Variants in AP3D1 observed in about 807,000 individuals in gnomAD.
The protein encoded by AP3D1 is AP-3 complex subunit delta-1.
A neutral mutation model predicts 147.6 loss-of-function variants in AP3D1; 51 were observed. The observed-to-expected ratio is 0.35, with a 90% confidence interval of 0.28 to 0.44. AP3D1 has a LOEUF of 0.44. AP3D1 is among the 20% of genes least tolerant of loss of function. The probability of loss-of-function intolerance (pLI) is 1.00; values close to 1 mark genes in which losing one functional copy is unlikely to be tolerated. For synonymous variants in AP3D1, 760 were observed against 663.0 expected, an observed-to-expected ratio of 1.15 and a Z score of -2.25; for missense variants, 1,421 against 1,624.2, an observed-to-expected ratio of 0.87 and a Z score of 2.15.
Position 2,137,760 on chromosome 19 carries a change from T to C in AP3D1, c.240A>G (p.Ile80Met). The C allele has an allele frequency of 1.2e-6, 2 of 1,614,096 alleles. No individual in the cohort carries two copies. The highest frequency in any genetic ancestry group is 1.1e-5 in the South Asian group (1 of 91,074). Residue 80 changes from isoleucine (I) to methionine (M), a missense_variant, in exon 3 of 32, where the codon ATA (isoleucine) becomes ATG (methionine). Around this residue, in one of 6 missense-constraint regions of AP3D1, gnomAD observed 292 missense variants for 412.0 expected, o/e 0.71. Coordinates refer to ENST00000643116, the MANE Select transcript of AP3D1 (RefSeq NM_001261826.3). ...YDISWAAFNI[I>M]EVMSASKFTF... ...TGAACTTGGAGGCACTCATCACTTC[T>C]ATGATGTTGAAGGCGGCCCAGCTGA... is the stretch of plus-strand genomic sequence containing the variant.
chr19:2,126,052 G>T (rs1292364612), intron 9 of AP3D1, among the ~76,000 whole-genome samples: 1 of 152,152 alleles, frequency 6.6e-6, no homozygotes, highest in African/African-American at 2.4e-5. Flanking sequence ...GCTTAAGCCC[G>T]GGAGGTCAAG....
intron 29 of AP3D1, chr19:2,109,489 T>G: frequency 4.0e-6 from 2 of 498,244 alleles, no homozygotes; most frequent in Non-Finnish European, 7.1e-6. Flanking sequence ...AGGAAGGGAC[T>G]GGGGGGATAG....
At chr19:2,151,087 G>A (rs1434024106) in intron 1 of AP3D1, 152 bp downstream of exon 1, 3 of 684,384 alleles carry the variant, frequency 4.4e-6, no homozygotes, top group Non-Finnish European at 6.9e-6. Flanking sequence ...GGCGCCCCAG[G>A]CCCAGGCCAG....
At chr19:2,136,198 C>G (rs532778484) in intron 4 of AP3D1, among the ~76,000 whole-genome samples, 1 of 152,366 alleles carries the variant, frequency 6.6e-6, no homozygotes, top group Admixed American at 6.5e-5. Flanking sequence ...CAACGGTGAG[C>G]CCAGCAGAGC....
chr19:2,102,050 A>G lies in AP3D1; in HGVS notation c.*123T>C. 1.4e-6 allele frequency: 1 copy of G among 723,924 alleles called. No individual in the cohort carries two copies. The highest frequency in any genetic ancestry group is 2.3e-6 in the Non-Finnish European group (1 of 425,738). 44.8% of individuals were successfully genotyped at this position (723,924 alleles called of 1,614,324 possible). ...CTCGGATGTCTACACGGCGGACAAC[A>G]TAGAGTTAAATTAACACTCAGGCTT... On this transcript the variant is annotated 3_prime_UTR_variant, in exon 32 of 32. Coordinates refer to ENST00000643116, the MANE Select transcript of AP3D1 (RefSeq NM_001261826.3).
At chr19:2,154,707 G>A (rs2019631368), upstream of AP3D1, among the ~76,000 whole-genome samples, 1 of 152,238 alleles carries the variant, frequency 6.6e-6, no homozygotes, top group South Asian at 2.1e-4. Context: ...TCATTCCAGA[G>A]AAGGTCATGC....
intron 1 of AP3D1, among the ~76,000 whole-genome samples, chr19:2,161,628 C>T (rs1489498382): frequency 6.6e-6 from 1 of 151,796 alleles, no homozygotes; most frequent in Non-Finnish European, 1.5e-5. Flanking sequence ...ACATGCAGAC[C>T]AAAGAGGAGT....
chr19:2,137,686 T>C (rs1568302417), intron 3 of AP3D1, 41 bp downstream of exon 3: 1 of 1,569,298 alleles, frequency 6.4e-7, no homozygotes, highest in South Asian at 1.1e-5. Context: ...ACACCTGTAA[T>C]CACTCCCCAC....
chr19:2,144,949 A>AATCCAC (rs1182372321), intron 1 of AP3D1, among the ~76,000 whole-genome samples: 3 of 152,158 alleles, frequency 2.0e-5, no homozygotes, highest in Non-Finnish European at 4.4e-5. Flanking sequence ...TTCTGGCTCA[A>AATCCAC]ATCCACAGAG....
chr19:2,127,168 C>T lies in AP3D1; in HGVS notation c.840G>A (p.Val280=). The change falls in exon 9 of 32, where the codon GTG becomes GTA. Residue 280 remains valine, a synonymous_variant. Coordinates refer to ENST00000643116, the MANE Select transcript of AP3D1 (RefSeq NM_001261826.3). ...TSAMSLLYEC[V]NTVIAVLISL... ...AGTTCTCACCTGCAATCACGGTGTTCACACATTCATAGAGGAGAGACATGG... is the reference window on the plus strand; with the variant it reads ...AGTTCTCACCTGCAATCACGGTGTTTACACATTCATAGAGGAGAGACATGG... 2 of 1,614,036 alleles carry T rather than the reference C, an allele frequency of 1.2e-6. No individual in the cohort carries two copies. The highest frequency in any genetic ancestry group is 1.7e-6 in the Non-Finnish European group (2 of 1,180,008).
At chr19:2,152,731 C>T (rs1301354288), upstream of AP3D1, among the ~76,000 whole-genome samples, 4 of 151,134 alleles carry the variant, frequency 2.6e-5, no homozygotes, top group Non-Finnish European at 4.4e-5. Flanking sequence ...CAAAAATTAG[C>T]CGGGCGTGGT....
At chr19:2,120,721 C>A in intron 14 of AP3D1, 141 bp downstream of exon 14, 1 of 771,744 alleles carries the variant, frequency 1.3e-6, no homozygotes, top group South Asian at 1.7e-5. Context: ...GGGACAGGTG[C>A]TGGAAACCCA....
At chr19:2,121,340 G>A (rs758888150) in intron 12 of AP3D1, 29 bp from the exon 13 acceptor site, 1 of 1,611,520 alleles carries the variant, frequency 6.2e-7, no homozygotes, top group Non-Finnish European at 8.5e-7. Context: ...ACAGTGGTGA[G>A]AGCGGACCCA....
intron 27 of AP3D1, 141 bp from the exon 28 acceptor site, chr19:2,110,365 AG>A (rs2018236708): frequency 1.4e-6 from 1 of 737,538 alleles, no homozygotes; most frequent in African/African-American, 1.7e-5. Flanking sequence ...ACCAGGGGAC[AG>A]GAGCAGAAAC....
intron 29 of AP3D1, chr19:2,109,548 G>C: frequency 2.1e-6 from 1 of 486,338 alleles, no homozygotes; most frequent in East Asian, 3.5e-5. Context: ...TCAGGGGGGA[G>C]GGGGTGCCGC....
Position 2,114,812 on chromosome 19 carries a change from G to A in AP3D1, c.2359C>T (p.Pro787Ser). Residue 787 changes from proline to serine, a missense_variant, in exon 21 of 32, where the codon CCC becomes TCC. Around this residue, in one of 6 missense-constraint regions of AP3D1, gnomAD observed 791 missense variants for 761.4 expected, o/e 1.04. Coordinates refer to ENST00000643116, the MANE Select transcript of AP3D1 (RefSeq NM_001261826.3). ...GGGTCTTTGTCATCCTCGTCGCTGG[G>A]CAGAGCATTCTGACAGGAAGAGAGG... Reference protein sequence around the residue: ...VTEEMPENALPSDEDDKDPND... With the variant: ...VTEEMPENALSSDEDDKDPND... 4 of 1,613,974 alleles carry A rather than the reference G, an allele frequency of 2.5e-6. No homozygotes were observed. The highest frequency in any genetic ancestry group is 3.4e-6 in the Non-Finnish European group (4 of 1,179,908).
At chr19:2,142,670 G>A (rs2019252158) in intron 1 of AP3D1, among the ~76,000 whole-genome samples, 1 of 152,228 alleles carries the variant, frequency 6.6e-6, no homozygotes, top group Non-Finnish European at 1.5e-5. Context: ...GCCGCATGCA[G>A]GCTGAGGGCC....
At chr19:2,116,010 C>T (rs1449179915) in intron 18 of AP3D1, among the ~76,000 whole-genome samples, 197 bp downstream of exon 18, 2 of 152,220 alleles carry the variant, frequency 1.3e-5, no homozygotes, top group Non-Finnish European at 2.9e-5. Flanking sequence ...GGGAACAGGG[C>T]CCCCCGGCTG....
chr19:2,118,014 G>A lies in AP3D1; in HGVS notation c.1713+587C>T, dbSNP rs139712524. 4.4e-3 allele frequency among the ~76,000 whole-genome samples: 666 copies of A among 152,260 alleles called. 5 individuals carry two copies. The highest frequency in any genetic ancestry group is 0.015 in the African/African-American group (639 of 41,540). On this transcript the variant is annotated intron_variant, in intron 15 of 31. Transcript: ENST00000643116. ...GTCTTTACTAAAAATACAAAAATTAGCCGGGCGTGGTGGCGGGTACCTATA... is the reference window on the plus strand; with the variant it reads ...GTCTTTACTAAAAATACAAAAATTAACCGGGCGTGGTGGCGGGTACCTATA...
Sources: allele counts gnomAD v4.1 joint callset (sites outside exome capture counted in the v4.1 genomes callset), GRCh38; gene constraint gnomAD v4.1.1; regional missense constraint gnomAD v4.1.1; transcripts MANE v1.5; gene names NCBI Gene and HGNC (gene_info 2026-07-23, HGNC 2026-07-21).